Variants in HERC1 observed in about 807,000 individuals in gnomAD.
The protein encoded by HERC1 is HECT and RLD domain containing E3 ubiquitin protein ligase family member 1.
HERC1 carries 160 observed loss-of-function variants against 554.3 expected under a neutral mutation model. That is an observed-to-expected ratio of 0.29 (90% CI 0.25 to 0.33). The LOEUF is 0.33. HERC1 is among the 10% of genes least tolerant of loss of function. HERC1 has a pLI of 1.00. For missense variants in HERC1, 4,919 were observed against 5,918.5 expected, an observed-to-expected ratio of 0.83 and a Z score of 5.54; for synonymous variants, 2,175 against 2,131.7, an observed-to-expected ratio of 1.02 and a Z score of -0.56.
intron 76 of HERC1, among the ~76,000 whole-genome samples, chr15:63,613,285 C>G (rs2067680137): frequency 6.6e-6 from 1 of 152,140 alleles, no homozygotes; most frequent in African/African-American, 2.4e-5. Flanking sequence ...GTAATTCTAC[C>G]CTGCTCTGTT....
chr15:63,698,103 T>G (rs2072526258), intron 26 of HERC1, among the ~76,000 whole-genome samples: 1 of 152,100 alleles, frequency 6.6e-6, no homozygotes, highest in Non-Finnish European at 1.5e-5. Context: ...TAATTTAAAC[T>G]GAGACAAATG....
intron 33 of HERC1, among the ~76,000 whole-genome samples, chr15:63,688,301 C>G: frequency 6.6e-6 from 1 of 152,138 alleles, no homozygotes; most frequent in Non-Finnish European, 1.5e-5. Flanking sequence ...AGGTTTTTCA[C>G]TTGAGTAACT....
At chr15:63,645,230 C>A in intron 56 of HERC1, 133 bp from the exon 57 acceptor site, 1 of 732,142 alleles carries the variant, frequency 1.4e-6, no homozygotes. Flanking sequence ...TACATACAAT[C>A]TTTTACAAGA....
intron 12 of HERC1, among the ~76,000 whole-genome samples, chr15:63,739,194 A>ATATATTTTTTTT (rs1567071803): frequency 5.9e-5 from 3 of 50,638 alleles, no homozygotes; most frequent in African/African-American, 2.1e-4. Context: ...CCACTAATAT[A>ATATATTTTTTTT]CTTTTTTTTT....
chr15:63,616,437 A>T lies in HERC1; in HGVS notation c.13934T>A (p.Phe4645Tyr), dbSNP rs770464115. 1.9e-5 allele frequency: 30 copies of T among 1,613,004 alleles called. No homozygotes were observed. The highest frequency in any genetic ancestry group is 2.5e-5 in the Non-Finnish European group (29 of 1,179,234). Residue 4645 changes from phenylalanine to tyrosine, a missense_variant, in exon 75 of 78, where the codon TTC becomes TAC. Transcript: ENST00000443617. ...AGACTGGCCAGGATTTACCTCATGG[A>T]AACTCTCCTCGGTAATCCCACTGTC... ...IEDSGITEES[F>Y]HEMIPLDSFV... is the part of the protein sequence containing the mutation.
chr15:63,802,381 A>G (rs2077022520), intron 1 of HERC1, among the ~76,000 whole-genome samples: 1 of 152,254 alleles, frequency 6.6e-6, no homozygotes, highest in African/African-American at 2.4e-5. Flanking sequence ...TGCTACATCA[A>G]TAATGAGAAC....
chr15:63,819,074 A>G (rs1016036835), intron 1 of HERC1, among the ~76,000 whole-genome samples: 1 of 152,210 alleles, frequency 6.6e-6, no homozygotes, highest in African/African-American at 2.4e-5. Flanking sequence ...CTTCCAGATT[A>G]AGCAGCTTTC....
At chr15:63,655,988 T>G in intron 49 of HERC1, 33 bp from the exon 50 acceptor site, 1 of 1,595,788 alleles carries the variant, frequency 6.3e-7, no homozygotes, top group South Asian at 1.1e-5. Context: ...AGACTTAATT[T>G]TTACATGTAA....
chr15:63,774,540 A>G (rs913547934), intron 2 of HERC1, among the ~76,000 whole-genome samples, 154 bp downstream of exon 2: 3 of 152,186 alleles, frequency 2.0e-5, no homozygotes, highest in African/African-American at 7.2e-5. Context: ...AACATGCATA[A>G]AAGTTTCTTC....
chr15:63,829,072 T>C (rs575094927), intron 1 of HERC1, among the ~76,000 whole-genome samples: 4 of 152,090 alleles, frequency 2.6e-5, no homozygotes, highest in Non-Finnish European at 5.9e-5. Flanking sequence ...TAGAATGAAC[T>C]TTGTGGTACT....
At chr15:63,776,548 A>G (rs556803364) in intron 1 of HERC1, among the ~76,000 whole-genome samples, 3 of 152,360 alleles carry the variant, frequency 2.0e-5, no homozygotes, top group East Asian at 3.9e-4. Context: ...AAATACTTCA[A>G]TCAAAATAGT....
rs2069458508 is a variant in HERC1 at position 63,648,212 on chromosome 15, A to T, written c.10748-13T>A. The stretch of plus-strand genomic sequence containing the variant: ...CAAGTAACAGACACTAACATGATCA[A>T]AACAAAAGAGTAAGGAAAAGATAAT... On this transcript the variant is annotated splice_polypyrimidine_tract_variant and intron_variant, in intron 54 of 77. Transcript: ENST00000443617. 3 of 1,595,180 alleles carry T rather than the reference A, an allele frequency of 1.9e-6. No homozygotes were observed. Among genetic ancestry groups the T allele is most frequent in the Non-Finnish European group, 2.6e-6 (3 of 1,169,396 alleles).
rs990080966 is a variant in HERC1 at position 63,692,943 on chromosome 15, G to T, written c.5675-377C>A. On this transcript the variant is annotated intron_variant, in intron 30 of 77. Transcript: ENST00000443617. This position sits in a 1 kb window ranked among gnomAD's most constrained non-coding sequence, Gnocchi z 4.7. ...CATCTGTAATCCCAGCACTTTGGGA[G>T]GTCGAGGCGGGCGGATCACTTGAGG... Among the ~76,000 whole-genome samples the T allele has an allele frequency of 7.9e-5, 12 of 152,128 alleles. No individual in the cohort carries two copies. The highest frequency in any genetic ancestry group is 1.3e-4 in the Non-Finnish European group (9 of 68,022).
chr15:63,805,800 A>G (rs1272021841), intron 1 of HERC1, among the ~76,000 whole-genome samples: 1 of 152,064 alleles, frequency 6.6e-6, no homozygotes, highest in Non-Finnish European at 1.5e-5. Context: ...TAAGTTAGCC[A>G]TGTATAGTGG....
At chr15:63,627,391 GC>G (rs1215947979) in intron 70 of HERC1, among the ~76,000 whole-genome samples, 1 of 152,114 alleles carries the variant, frequency 6.6e-6, no homozygotes, top group Admixed American at 6.5e-5. Context: ...TGTCCAATAG[GC>G]TGGACACAGT....
chr15:63,693,958 C>T lies in HERC1; in HGVS notation c.5674+6G>A. 1 of 1,549,976 alleles carries T rather than the reference C, an allele frequency of 6.5e-7. No individual in the cohort carries two copies. Among genetic ancestry groups the T allele is most frequent in the East Asian group, 2.4e-5 (1 of 40,910 alleles). On this transcript the variant is annotated splice_donor_region_variant and intron_variant, in intron 30 of 77. Transcript: ENST00000443617. ...AAGTAAAGACAGAGAAAGAGGCTTA[C>T]ATTACCTCTGAAATCTTTCTTCTCA...
At chr15:63,696,418 T>C in intron 26 of HERC1, 79 bp from the exon 27 acceptor site, 1 of 924,314 alleles carries the variant, frequency 1.1e-6, no homozygotes, top group Non-Finnish European at 1.7e-6. Flanking sequence ...AACAGTATTT[T>C]TAACACTTAG....
intron 62 of HERC1, 28 bp downstream of exon 62, chr15:63,638,683 T>C: frequency 1.3e-6 from 2 of 1,599,606 alleles, no homozygotes; most frequent in Non-Finnish European, 1.7e-6. Flanking sequence ...CTGAGAACCA[T>C]CATACAGTTA....
chr15:63,786,872 T>TA (rs2076464421), intron 1 of HERC1, among the ~76,000 whole-genome samples: 1 of 152,158 alleles, frequency 6.6e-6, no homozygotes, highest in South Asian at 2.1e-4. Flanking sequence ...TCGCTCACTT[T>TA]AAGATGGTTA....
Sources: gnomAD v4.1 joint callset for allele counts (sites outside exome capture counted in the v4.1 genomes callset) on GRCh38, gnomAD v4.1.1 for gene constraint, Gnocchi (gnomAD v3.1) non-coding constraint, MANE v1.5 for transcripts, NCBI Gene and HGNC (gene_info 2026-07-23, HGNC 2026-07-21) for gene names.